Variants in CPXM2 observed in about 807,000 individuals in gnomAD.
CPXM2 encodes the protein carboxypeptidase X, M14 family member 2.
Under a neutral mutation model 86.1 loss-of-function variants are expected in CPXM2, and 66 were observed. The ratio of observed to expected loss-of-function variants is 0.77; its 90% CI spans 0.63 to 0.94. The LOEUF is 0.94. Ranked by LOEUF, CPXM2 falls within the 40% of genes least tolerant of loss-of-function variation. CPXM2 has a pLI of 0.00. For missense variants in CPXM2, 948 were observed against 1,026.3 expected, an observed-to-expected ratio of 0.92 and a Z score of 1.04; for synonymous variants, 388 against 400.2, an observed-to-expected ratio of 0.97 and a Z score of 0.36.
intron 2 of CPXM2, among the ~76,000 whole-genome samples, chr10:123,908,778 T>C (rs566867970): frequency 1.3e-5 from 2 of 152,314 alleles, no homozygotes; most frequent in East Asian, 3.9e-4. Flanking sequence ...AGAAGGGCAC[T>C]GGAGACCTTC....
intron 4 of CPXM2, among the ~76,000 whole-genome samples, chr10:123,837,130 T>C (rs1848297814): frequency 6.6e-6 from 1 of 152,238 alleles, no homozygotes; most frequent in Non-Finnish European, 1.5e-5. Context: ...ACCATCAGAA[T>C]TCTCCAAAGA....
chr10:123,941,651 A>C (rs1945777997), upstream of CPXM2, among the ~76,000 whole-genome samples: 1 of 152,234 alleles, frequency 6.6e-6, no homozygotes, highest in African/African-American at 2.4e-5. Context: ...ATGTTTAACC[A>C]GTGTGGATAT....
At chr10:123,863,883 T>C (rs1848917497) in intron 2 of CPXM2, among the ~76,000 whole-genome samples, 1 of 152,178 alleles carries the variant, frequency 6.6e-6, no homozygotes, top group Admixed American at 6.5e-5. Flanking sequence ...TGCTGTCGGA[T>C]GCCATTCGCC....
At chr10:123,774,265 T>C (rs1004030401) in intron 7 of CPXM2, among the ~76,000 whole-genome samples, 21 of 152,178 alleles carry the variant, frequency 1.4e-4, no homozygotes, top group Admixed American at 1.1e-3. Flanking sequence ...ACTGAATTGA[T>C]GCAGAACAGA....
chr10:123,798,163 G>A (rs754288903), intron 5 of CPXM2, 37 bp from the exon 6 acceptor site: 3 of 1,535,392 alleles, frequency 2.0e-6, no homozygotes. Flanking sequence ...AAATCTTTTA[G>A]TGCTTAATTA....
intron 2 of CPXM2, among the ~76,000 whole-genome samples, chr10:123,901,976 C>A (rs1945386757): frequency 3.3e-5 from 5 of 152,176 alleles, no homozygotes; most frequent in Admixed American, 3.3e-4. Flanking sequence ...TCTCTTTCCT[C>A]CGAACTGTTT....
At chr10:123,755,347 A>T (rs1846180134) in intron 12 of CPXM2, among the ~76,000 whole-genome samples, 1 of 152,188 alleles carries the variant, frequency 6.6e-6, no homozygotes, top group Admixed American at 6.5e-5. Context: ...AGGAGAAAGG[A>T]GGAAAGAAGA....
At chr10:123,860,357 T>C (rs369331045) in intron 3 of CPXM2, among the ~76,000 whole-genome samples, 5 of 151,992 alleles carry the variant, frequency 3.3e-5, no homozygotes, top group African/African-American at 1.2e-4. Context: ...TGTTCCAAAG[T>C]CCCCCAATCT....
chr10:123,888,979 G>T (rs868646171), intron 1 of CPXM2, among the ~76,000 whole-genome samples: 4 of 152,208 alleles, frequency 2.6e-5, no homozygotes, highest in African/African-American at 9.6e-5. Context: ...GCTAGGCACC[G>T]AATCAACAGG....
intron 10 of CPXM2, among the ~76,000 whole-genome samples, 192 bp downstream of exon 10, chr10:123,766,781 C>T (rs959157194): frequency 2.6e-5 from 4 of 152,122 alleles, no homozygotes; most frequent in African/African-American, 9.7e-5. Flanking sequence ...GATGATTTCT[C>T]CTCTATGAAG....
intron 7 of CPXM2, among the ~76,000 whole-genome samples, chr10:123,778,287 A>G (rs1846848558): frequency 1.3e-5 from 2 of 152,368 alleles, no homozygotes; most frequent in East Asian, 1.9e-4. Context: ...TTTCTACAGT[A>G]ACCTAGCAGA....
At chr10:123,813,441 G>A (rs1056385209) in intron 4 of CPXM2, among the ~76,000 whole-genome samples, 1 of 152,092 alleles carries the variant, frequency 6.6e-6, no homozygotes, top group African/African-American at 2.4e-5. Context: ...TTTTCCCTAG[G>A]TCCTAGGTAT....
At chr10:123,748,196 C>T (rs1222826836) in intron 13 of CPXM2, among the ~76,000 whole-genome samples, 1 of 152,106 alleles carries the variant, frequency 6.6e-6, no homozygotes, top group Non-Finnish European at 1.5e-5. Context: ...TAGTATCCTG[C>T]ACCAGGTCAC....
chr10:123,937,949 G>A (rs546301273), intron 2 of CPXM2, among the ~76,000 whole-genome samples: 30 of 152,246 alleles, frequency 2.0e-4, no homozygotes, highest in East Asian at 3.9e-4. Context: ...TGTGGGAAGC[G>A]TGGAAGCAGC....
At chr10:123,763,928 G>A (rs1009063966) in intron 10 of CPXM2, among the ~76,000 whole-genome samples, 1 of 152,074 alleles carries the variant, frequency 6.6e-6, no homozygotes, top group Non-Finnish European at 1.5e-5. Context: ...TTATGCCAGT[G>A]TATACTCACC....
chr10:123,815,030 G>GA (rs1211983497), intron 4 of CPXM2, among the ~76,000 whole-genome samples: 1 of 151,922 alleles, frequency 6.6e-6, no homozygotes, highest in East Asian at 1.9e-4. Flanking sequence ...GTCTAAAAAA[G>GA]AAAAAAGATT....
intron 12 of CPXM2, among the ~76,000 whole-genome samples, chr10:123,755,834 C>T (rs2133976398): frequency 6.6e-6 from 1 of 152,306 alleles, no homozygotes; most frequent in East Asian, 1.9e-4. Context: ...GGCCCTTTGG[C>T]TATGGCATCA....
chr10:123,876,089 T>C (rs986129146), intron 2 of CPXM2, among the ~76,000 whole-genome samples: 15 of 152,256 alleles, frequency 9.9e-5, no homozygotes, highest in Non-Finnish European at 1.8e-4. Flanking sequence ...AGTGCTAGGA[T>C]TACAGGCTTG....
intron 4 of CPXM2, among the ~76,000 whole-genome samples, chr10:123,818,539 C>G (rs1000064760): frequency 1.3e-5 from 2 of 152,168 alleles, no homozygotes; most frequent in Non-Finnish European, 1.5e-5. Context: ...CTATCCTGCA[C>G]GCAATGCTTC....
Sources: gnomAD v4.1 joint callset for allele counts (sites outside exome capture counted in the v4.1 genomes callset) on GRCh38, gnomAD v4.1.1 for gene constraint, MANE v1.5 for transcripts, NCBI Gene and HGNC (gene_info 2026-07-23, HGNC 2026-07-21) for gene names.